The following AKAP6 variants were observed in gnomAD, a reference collection of about 807,000 sequenced individuals.
The protein encoded by AKAP6 is A-kinase anchoring protein 6, also known as A-kinase anchor protein 6.
In AKAP6, 58 loss-of-function variants were observed where a neutral mutation model predicts 188.5. That is an observed-to-expected ratio of 0.31 (90% CI 0.25 to 0.38). AKAP6 has a LOEUF of 0.38. Ranked by LOEUF, AKAP6 falls within the 10% of genes least tolerant of loss-of-function variation. AKAP6 has a pLI of 1.00. For missense variants in AKAP6, 2,710 were observed against 2,740.0 expected, an observed-to-expected ratio of 0.99 and a Z score of 0.24; for synonymous variants, 989 against 998.6, an observed-to-expected ratio of 0.99 and a Z score of 0.18.
intron 9 of AKAP6, among the ~76,000 whole-genome samples, chr14:32,719,861 C>T (rs2030435461): frequency 6.6e-6 from 1 of 152,016 alleles, no homozygotes; most frequent in Non-Finnish European, 1.5e-5. Context: ...CACACTTAGC[C>T]TTCACATTTA....
At chr14:32,468,128 G>A (rs1878562878) in intron 2 of AKAP6, among the ~76,000 whole-genome samples, 1 of 151,936 alleles carries the variant, frequency 6.6e-6, no homozygotes, top group African/African-American at 2.4e-5. Context: ...TAGGATAGGA[G>A]CCCAGACAGC....
chr14:32,366,694 G>C (rs984900943), intron 1 of AKAP6, among the ~76,000 whole-genome samples: 105 of 151,950 alleles, frequency 6.9e-4, no homozygotes, highest in African/African-American at 2.3e-3. Flanking sequence ...AAAATGCTCT[G>C]TGTGTGTGTG....
At chr14:32,458,294 C>A (rs751317599) in intron 2 of AKAP6, among the ~76,000 whole-genome samples, 6 of 152,032 alleles carry the variant, frequency 3.9e-5, no homozygotes, top group Non-Finnish European at 7.4e-5. Flanking sequence ...AATGTTGTCT[C>A]CCTATAAACT....
At chr14:32,709,012 G>GTT (rs1216981676) in intron 9 of AKAP6, among the ~76,000 whole-genome samples, 1 of 151,994 alleles carries the variant, frequency 6.6e-6, no homozygotes, top group Non-Finnish European at 1.5e-5. Flanking sequence ...AGTCTCTAGG[G>GTT]TTAAGCTAAT....
chr14:32,342,561 A>G (rs1041714596), intron 1 of AKAP6, among the ~76,000 whole-genome samples: 1 of 152,064 alleles, frequency 6.6e-6, no homozygotes, highest in African/African-American at 2.4e-5. Flanking sequence ...ATTATTAGAC[A>G]TTTTCTCATG....
intron 1 of AKAP6, among the ~76,000 whole-genome samples, chr14:32,344,641 C>T (rs530092327): frequency 1.8e-4 from 28 of 152,210 alleles, no homozygotes; most frequent in Admixed American, 1.2e-3. Context: ...GAGGCCTGGA[C>T]GCAGTGGCTC....
intron 1 of AKAP6, among the ~76,000 whole-genome samples, chr14:32,361,071 T>TATATATATA (rs1213844124): frequency 6.0e-5 from 9 of 149,042 alleles, no homozygotes; most frequent in East Asian, 4.2e-4. Flanking sequence ...TATATATATA[T>TATATATATA]TTGAGAAGCT....
intron 1 of AKAP6, among the ~76,000 whole-genome samples, chr14:32,410,945 C>A (rs1460919717): frequency 6.6e-6 from 1 of 152,148 alleles, no homozygotes; most frequent in Non-Finnish European, 1.5e-5. Context: ...TGCATCTGTG[C>A]TCAACCATGC....
intron 4 of AKAP6, among the ~76,000 whole-genome samples, chr14:32,558,618 T>G (rs1883793998): frequency 1.3e-5 from 2 of 152,144 alleles, no homozygotes; most frequent in Non-Finnish European, 2.9e-5. Context: ...CGTTGGTGTT[T>G]TGGAGTATAG....
At chr14:32,453,734 C>T (rs959308613) in intron 2 of AKAP6, among the ~76,000 whole-genome samples, 15 of 150,084 alleles carry the variant, frequency 1.0e-4, no homozygotes, top group African/African-American at 3.4e-4. Flanking sequence ...GTAGCTGGGA[C>T]TACAGGCGCC....
intron 1 of AKAP6, among the ~76,000 whole-genome samples, chr14:32,348,928 C>T (rs2138438107): frequency 6.6e-6 from 1 of 152,314 alleles, no homozygotes; most frequent in Admixed American, 6.5e-5. Context: ...TCACAGATCT[C>T]TCAGTACTCC....
rs1425756673 is a variant in AKAP6, at chr14:32,337,356, C to T, written c.-35+7948C>T. ...TCTTCAGGCTTGGCTAGTAGGAGCACACAGCTTCTAGAACACTGTAGAGGA... is the reference window on the plus strand; with the variant it reads ...TCTTCAGGCTTGGCTAGTAGGAGCATACAGCTTCTAGAACACTGTAGAGGA... On this transcript the variant is annotated intron_variant, in intron 1 of 13. Transcript: ENST00000280979. Among the ~76,000 whole-genome samples, 6 of 152,196 alleles carry T rather than the reference C, an allele frequency of 3.9e-5. No individual in the cohort carries two copies. The East Asian group carries it at 1.2e-3, about 29-fold the overall frequency.
chr14:32,649,579 A>C (rs1888125087), intron 7 of AKAP6, among the ~76,000 whole-genome samples: 1 of 152,182 alleles, frequency 6.6e-6, no homozygotes, highest in Non-Finnish European at 1.5e-5. Context: ...TATTATTTAT[A>C]AAGTTAAACT....
rs767210311 is a variant in AKAP6, at chr14:32,824,811, G to A, written c.*38G>A. 1 of 1,583,770 alleles carries A rather than the reference G, an allele frequency of 6.3e-7. No homozygotes were observed. Among genetic ancestry groups the A allele is most frequent in the South Asian group, 1.2e-5 (1 of 84,564 alleles). On this transcript the variant is annotated 3_prime_UTR_variant, in exon 13 of 14. Coordinates refer to ENST00000280979, the MANE Select transcript of AKAP6 (RefSeq NM_004274.5). ...CCCCAAGCATGAAAATCATCTCACT[G>A]AAAGGTACGTATAGTCCTCATGCCG...
At chr14:32,682,638 A>G (rs1208519825) in intron 8 of AKAP6, among the ~76,000 whole-genome samples, 1 of 152,244 alleles carries the variant, frequency 6.6e-6, no homozygotes, top group Non-Finnish European at 1.5e-5. Context: ...GTCCAGAGCC[A>G]GAAGTTAATC....
intron 12 of AKAP6, among the ~76,000 whole-genome samples, chr14:32,807,018 C>G (rs2034105997): frequency 6.6e-6 from 1 of 151,946 alleles, no homozygotes; most frequent in South Asian, 2.1e-4. Context: ...GGCCCCACTG[C>G]ACTCCAGCCT....
At chr14:32,744,165 A>G (rs536472287) in intron 11 of AKAP6, among the ~76,000 whole-genome samples, 2 of 151,986 alleles carry the variant, frequency 1.3e-5, no homozygotes, top group Non-Finnish European at 2.9e-5. Context: ...TTGGAGCTCC[A>G]TTGTATGTTA....
intron 7 of AKAP6, 103 bp from the exon 8 acceptor site, chr14:32,678,208 C>A (rs1950697): frequency 8.1e-7 from 1 of 1,241,346 alleles, no homozygotes; most frequent in Non-Finnish European, 1.1e-6. Flanking sequence ...AAAAGGAGCA[C>A]TATAATGATG....
rs1172690454 is a variant in AKAP6, at chr14:32,600,668, A to T, written c.2606A>T (p.Lys869Met). The change falls in exon 7 of 14, where the codon AAG becomes ATG. Residue 869 changes from lysine (K) to methionine (M), a missense_variant. By Grantham distance (95) the Lys-to-Met change is moderately conservative. Around this residue, in one of 2 missense-constraint regions of AKAP6, gnomAD observed 2,473 missense variants for 2,426.1 expected, o/e 1.02. Transcript: ENST00000280979. ...DMLRMIASQW[K>M]ELQRQIKRQH... ...CTGCGGATGATTGCAAGTCAATGGA[A>T]GGAGCTGCAGAGGCAAATCAAACGG... The T allele has an allele frequency of 1.1e-5, 18 of 1,613,422 alleles. No individual in the cohort carries two copies. The highest frequency in any genetic ancestry group is 1.5e-5 in the Non-Finnish European group (18 of 1,179,688).
Sources: gnomAD v4.1 joint callset for allele counts (sites outside exome capture counted in the v4.1 genomes callset) on GRCh38, gnomAD v4.1.1 for gene constraint, gnomAD v4.1.1 regional missense constraint, MANE v1.5 for transcripts, NCBI Gene and HGNC (gene_info 2026-07-23, HGNC 2026-07-21) for gene names.